The following CFAP97D2 variants were observed in gnomAD, a reference collection of about 807,000 sequenced individuals.
The protein encoded by CFAP97D2 is CFAP97 domain containing 2.
At chr13:114,216,670 T>A (rs147618310) in intron 4 of CFAP97D2, among the ~76,000 whole-genome samples, 9,920 of 152,288 alleles carry the variant, frequency 0.065, 548 homozygotes, top group African/African-American at 0.13. Flanking sequence ...TGTGCCACAT[T>A]TTCTTAATCC....
intron 1 of CFAP97D2, among the ~76,000 whole-genome samples, chr13:114,192,730 T>C (rs948206260): frequency 1.3e-4 from 20 of 152,264 alleles, no homozygotes; most frequent in African/African-American, 3.8e-4. Context: ...ATTCATAAAA[T>C]AATATCAAAC....
At chr13:114,215,034 T>C (rs1457925814) in intron 4 of CFAP97D2, among the ~76,000 whole-genome samples, 1 of 152,244 alleles carries the variant, frequency 6.6e-6, no homozygotes, top group East Asian at 1.9e-4. Context: ...AATTATGCTG[T>C]AACTTATATT....
intron 1 of CFAP97D2, among the ~76,000 whole-genome samples, chr13:114,195,873 C>T (rs1442479628): frequency 2.7e-5 from 4 of 150,184 alleles, no homozygotes; most frequent in African/African-American, 7.4e-5. Context: ...AAATCGAGAC[C>T]ATCCTGGCTA....
chr13:114,212,221 C>T (rs894567125), intron 4 of CFAP97D2: 1 of 396,828 alleles, frequency 2.5e-6, no homozygotes, highest in African/African-American at 2.1e-5. Context: ...GCATTTTGTT[C>T]AATTGTCAGC....
intron 1 of CFAP97D2, among the ~76,000 whole-genome samples, chr13:114,181,375 G>C (rs1464510071): frequency 6.6e-6 from 1 of 152,148 alleles, no homozygotes; most frequent in Admixed American, 6.5e-5. Context: ...CGTGAGGGTA[G>C]GACATGAAAC....
At chr13:114,190,190 T>G (rs1179970470) in intron 1 of CFAP97D2, among the ~76,000 whole-genome samples, 1 of 152,108 alleles carries the variant, frequency 6.6e-6, no homozygotes, top group Non-Finnish European at 1.5e-5. Flanking sequence ...ACATCATACT[T>G]AATACTGAGA....
chr13:114,213,799 C>CTAACCCTA (rs1566616650), intron 4 of CFAP97D2, among the ~76,000 whole-genome samples: 1 of 136,502 alleles, frequency 7.3e-6, no homozygotes, highest in Admixed American at 7.8e-5. Flanking sequence ...GGACAAGCTC[C>CTAACCCTA]AGGACCACAG....
intron 1 of CFAP97D2, among the ~76,000 whole-genome samples, chr13:114,194,756 C>A (rs918338955): frequency 6.6e-6 from 1 of 152,084 alleles, no homozygotes; most frequent in Non-Finnish European, 1.5e-5. Context: ...TTAAATTAAA[C>A]AAGAAGCAAC....
chr13:114,181,791 T>C lies in CFAP97D2; in HGVS notation c.90+2371T>C, dbSNP rs967128093. Among the ~76,000 whole-genome samples, 4 of 152,226 alleles carry C rather than the reference T, an allele frequency of 2.6e-5. No homozygotes were observed. In the South Asian group the frequency reaches 8.3e-4, roughly 32 times the overall value. On this transcript the variant is annotated intron_variant, in intron 1 of 4. Coordinates refer to ENST00000646158, the Ensembl canonical transcript of CFAP97D2. ...AGAACAGTGCATCCCAGTCCCCTGA[T>C]GACTGCCCTCCTAGAATAGGGGCCT...
chr13:114,219,181 C>T (rs2081008831), intron 4 of CFAP97D2, among the ~76,000 whole-genome samples: 1 of 152,094 alleles, frequency 6.6e-6, no homozygotes, highest in African/African-American at 2.4e-5. Context: ...AAATTTACAT[C>T]ATTTTATTTT....
intron 4 of CFAP97D2, among the ~76,000 whole-genome samples, chr13:114,221,921 C>A (rs1047577529): frequency 3.9e-5 from 6 of 152,168 alleles, no homozygotes; most frequent in Non-Finnish European, 8.8e-5. Context: ...ATGTTCATAG[C>A]AGCACAGTTC....
intron 1 of CFAP97D2, among the ~76,000 whole-genome samples, chr13:114,183,925 A>G (rs1251466400): frequency 6.6e-6 from 1 of 152,236 alleles, no homozygotes; most frequent in Non-Finnish European, 1.5e-5. Context: ...AGGCAGGAGG[A>G]TTGCTTGAGC....
At chr13:114,195,245 C>T (rs1034227826) in intron 1 of CFAP97D2, among the ~76,000 whole-genome samples, 7 of 152,252 alleles carry the variant, frequency 4.6e-5, no homozygotes, top group African/African-American at 1.4e-4. Flanking sequence ...AAAAAGTGAC[C>T]ATGTGACCAT....
rs1404006680 is a variant in CFAP97D2 at position 114,211,816 on chromosome 13, G to A, written c.291-96G>A. On this transcript the variant is annotated intron_variant, in intron 3 of 4. Coordinates refer to ENST00000646158, the Ensembl canonical transcript of CFAP97D2. The surrounding 1 kb of genome is among the most constrained non-coding windows in gnomAD (Gnocchi z 4.2). ...GGAAGCAGGAGCAACCCTCCACCCC[G>A]GGACCCCTTCCTGCTCTGGAGCCTG... 1.0e-5 allele frequency: 4 copies of A among 397,648 alleles called. No homozygotes were observed. The highest frequency in any genetic ancestry group is 1.8e-5 in the Non-Finnish European group (4 of 226,014). 24.6% of individuals were successfully genotyped at this position (397,648 alleles called of 1,614,324 possible).
At position 114,185,116 on chromosome 13, in the gene CFAP97D2, C is replaced by T. The variant is rs2080849998; in HGVS notation, c.90+5696C>T. Among the ~76,000 whole-genome samples, 1 of 152,224 alleles carries T rather than the reference C, an allele frequency of 6.6e-6. No homozygotes were observed. The highest frequency in any genetic ancestry group is 2.4e-5 in the African/African-American group (1 of 41,462). The stretch of plus-strand genomic sequence containing the variant: ...ATCCCCAAGGCAGCCAACTGTGCTG[C>T]CCCAACCCTTGTGTGGCCAGGCAGG... On this transcript the variant is annotated intron_variant, in intron 1 of 4. Coordinates refer to ENST00000646158, the Ensembl canonical transcript of CFAP97D2. The surrounding 1 kb of genome is among the most constrained non-coding windows in gnomAD (Gnocchi z 5.2).
At chr13:114,184,351 C>T (rs777992307) in intron 1 of CFAP97D2, among the ~76,000 whole-genome samples, 3 of 152,214 alleles carry the variant, frequency 2.0e-5, no homozygotes, top group Non-Finnish European at 1.5e-5. Flanking sequence ...ATTTCCACCA[C>T]GTTAATGTCA....
intron 4 of CFAP97D2, among the ~76,000 whole-genome samples, chr13:114,218,109 T>C (rs1032482587): frequency 6.6e-6 from 1 of 152,196 alleles, no homozygotes; most frequent in African/African-American, 2.4e-5. Flanking sequence ...GATGACGTGA[T>C]TGTATATTTA....
chr13:114,198,613 A>T (rs2080898408), intron 2 of CFAP97D2, among the ~76,000 whole-genome samples: 1 of 152,110 alleles, frequency 6.6e-6, no homozygotes, highest in Admixed American at 6.6e-5. Context: ...TGGGCAAAGC[A>T]GCTGGTGGTC....
chr13:114,198,479 A>G (rs530214923), intron 2 of CFAP97D2, among the ~76,000 whole-genome samples: 2 of 152,370 alleles, frequency 1.3e-5, no homozygotes, highest in South Asian at 4.1e-4. Context: ...TTCTTAAAAT[A>G]TAAAAAAGAT....
Sources: allele counts gnomAD v4.1 joint callset (sites outside exome capture counted in the v4.1 genomes callset), GRCh38; gene constraint gnomAD v4.1.1; non-coding constraint Gnocchi (gnomAD v3.1); transcripts MANE v1.5; gene names NCBI Gene and HGNC (gene_info 2026-07-23, HGNC 2026-07-21).